Variants in SATB2 observed in about 807,000 individuals in gnomAD.
SATB2 encodes SATB homeobox 2.
A neutral mutation model predicts 73.4 loss-of-function variants in SATB2; 1 was observed. That is an observed-to-expected ratio of 0.01 (90% CI 0.00 to 0.06). The LOEUF (loss-of-function observed/expected upper bound fraction) is 0.06. Among genes scored for constraint, SATB2 ranks in the 10% least tolerant of loss-of-function variants. The pLI is 1.00. For missense variants in SATB2, 459 were observed against 945.8 expected (o/e 0.49, Z 6.75); for synonymous variants, 397 against 367.0 (o/e 1.08, Z -0.93).
At chr2:199,292,743 A>G (rs1692906707) in intron 10 of SATB2, among the ~76,000 whole-genome samples, 3 of 152,214 alleles carry the variant, frequency 2.0e-5, no homozygotes, top group Admixed American at 2.0e-4. Context: ...GCATCTGGAA[A>G]GCAGTTATAC....
intron 3 of SATB2, among the ~76,000 whole-genome samples, chr2:199,411,726 G>A (rs537588167): frequency 3.9e-5 from 6 of 152,268 alleles, no homozygotes; most frequent in South Asian, 4.1e-4. Flanking sequence ...GTGTGGACAG[G>A]ACTAGTTCCT....
At chr2:199,342,645 G>A (rs906801959) in intron 7 of SATB2, among the ~76,000 whole-genome samples, 1 of 151,976 alleles carries the variant, frequency 6.6e-6, no homozygotes, top group Non-Finnish European at 1.5e-5. Context: ...TCAATTTTAT[G>A]TTCCTAGTTT....
chr2:199,328,132 C>T (rs187821860), intron 8 of SATB2, among the ~76,000 whole-genome samples: 2 of 152,260 alleles, frequency 1.3e-5, no homozygotes, highest in Admixed American at 6.5e-5. Context: ...ACCTTCCTAC[C>T]CCTCACCTAC....
At chr2:199,445,262 G>C (rs1328048675) in intron 2 of SATB2, among the ~76,000 whole-genome samples, 1 of 152,106 alleles carries the variant, frequency 6.6e-6, no homozygotes, top group African/African-American at 2.4e-5. Context: ...CTAACCACCT[G>C]GAACAGTGTG....
chr2:199,328,188 T>C (rs1215561937), intron 8 of SATB2, among the ~76,000 whole-genome samples: 2 of 152,146 alleles, frequency 1.3e-5, no homozygotes, highest in Admixed American at 1.3e-4. Context: ...AAATATAGTA[T>C]GGGATCATAT....
intron 9 of SATB2, among the ~76,000 whole-genome samples, chr2:199,319,803 G>C (rs1428523676): frequency 6.6e-6 from 1 of 151,828 alleles, no homozygotes; most frequent in Non-Finnish European, 1.5e-5. Flanking sequence ...AGCATTCTAT[G>C]AGCTAACCTA....
At chr2:199,462,388 G>C (rs1300604941), upstream of SATB2, among the ~76,000 whole-genome samples, 1 of 152,210 alleles carries the variant, frequency 6.6e-6, no homozygotes. The surrounding 1 kb of genome is among the most constrained non-coding windows in gnomAD (Gnocchi z 5.9). Context: ...ATAACCGCGA[G>C]GGGCTTAGAC....
At chr2:199,406,856 G>A (rs555404756) in intron 3 of SATB2, among the ~76,000 whole-genome samples, 2 of 152,194 alleles carry the variant, frequency 1.3e-5, no homozygotes, top group South Asian at 2.1e-4. Flanking sequence ...GGAAATATTC[G>A]TATGATCACA....
intron 6 of SATB2, among the ~76,000 whole-genome samples, chr2:199,357,573 T>C (rs993623078): frequency 1.3e-5 from 2 of 152,186 alleles, no homozygotes. Flanking sequence ...AACATCTGCC[T>C]ATGATTTAAA....
chr2:199,389,472 T>G (rs1454876562), intron 3 of SATB2, among the ~76,000 whole-genome samples: 1 of 152,078 alleles, frequency 6.6e-6, no homozygotes. Flanking sequence ...GAGCCTACAA[T>G]GGATTTAATC....
intron 9 of SATB2, among the ~76,000 whole-genome samples, chr2:199,319,269 C>T (rs1056742356): frequency 1.3e-5 from 2 of 152,110 alleles, no homozygotes; most frequent in African/African-American, 4.8e-5. Flanking sequence ...AGTGGCAGTT[C>T]CTGCAGCCAG....
At chr2:199,353,308 C>T (rs962704070) in intron 6 of SATB2, among the ~76,000 whole-genome samples, 6 of 151,722 alleles carry the variant, frequency 4.0e-5, no homozygotes, top group Non-Finnish European at 5.9e-5. Context: ...GCATGTGCCA[C>T]GGTGCCCAGC....
chr2:199,358,793 T>C (rs1038935792), intron 6 of SATB2, among the ~76,000 whole-genome samples: 2 of 152,144 alleles, frequency 1.3e-5, no homozygotes, highest in African/African-American at 4.8e-5. Context: ...CTCTGTTTCT[T>C]TGCTAATAAA....
chr2:199,358,541 A>G (rs1392313087), intron 6 of SATB2, among the ~76,000 whole-genome samples: 2 of 152,200 alleles, frequency 1.3e-5, no homozygotes, highest in African/African-American at 4.8e-5. Flanking sequence ...TTTGTTCAAG[A>G]GAATTTGTCT....
intron 3 of SATB2, among the ~76,000 whole-genome samples, chr2:199,384,302 T>C (rs776642427): frequency 6.6e-6 from 1 of 152,218 alleles, no homozygotes; most frequent in Non-Finnish European, 1.5e-5. Context: ...CAATGGGAAG[T>C]GTGTGCTTTT....
At chr2:199,466,566 T>C (rs1044084047), upstream of SATB2, among the ~76,000 whole-genome samples, 3 of 152,158 alleles carry the variant, frequency 2.0e-5, no homozygotes, top group Non-Finnish European at 4.4e-5. Flanking sequence ...GCAAGGAAAG[T>C]GCAGGGCCAA....
intron 2 of SATB2, among the ~76,000 whole-genome samples, chr2:199,438,292 T>C (rs895882): frequency 0.61 from 92,741 of 152,028 alleles, 30,759 homozygotes; most frequent in Non-Finnish European, 0.74. Context: ...TGAATCTGCC[T>C]AATAACAATA....
At position 199,270,668 on chromosome 2, in the gene SATB2, G is replaced by A. The variant is rs1482637499; in HGVS notation, c.*1543C>T. On this transcript the variant is annotated 3_prime_UTR_variant, in exon 11 of 11. Coordinates refer to ENST00000417098, the MANE Select transcript of SATB2 (RefSeq NM_001172509.2). ...CTTCTGGTGTTTCTCATAGGAAGCC[G>A]AAAGAGATCTGGAGTACTATAGTAG... 2.6e-5 allele frequency: 4 copies of A among 152,410 alleles called. No individual in the cohort carries two copies. Among genetic ancestry groups the A allele is most frequent in the East Asian group, 1.9e-4 (1 of 5,328 alleles). 9.4% of individuals were successfully genotyped at this position (152,410 alleles called of 1,614,324 possible). A position where few individuals can be genotyped will look rare whatever the true frequency, so the allele number is the denominator to read the frequency against.
intron 2 of SATB2, among the ~76,000 whole-genome samples, chr2:199,452,178 T>C (rs1022873843): frequency 6.6e-6 from 1 of 152,140 alleles, no homozygotes; most frequent in East Asian, 1.9e-4. Flanking sequence ...ATGTCTCCTA[T>C]CAGCAAATAC....
Sources: allele counts gnomAD v4.1 joint callset (sites outside exome capture counted in the v4.1 genomes callset), GRCh38; gene constraint gnomAD v4.1.1; non-coding constraint Gnocchi (gnomAD v3.1); transcripts MANE v1.5; gene names NCBI Gene and HGNC (gene_info 2026-07-23, HGNC 2026-07-21).